ASB5: variants seen among roughly 807,000 people sequenced by gnomAD.
The protein encoded by ASB5 is ankyrin repeat and SOCS box protein 5.
ASB5 carries 45 observed loss-of-function variants against 42.1 expected under a neutral mutation model. The ratio of observed to expected loss-of-function variants is 1.07; its 90% CI spans 0.84 to 1.37. The LOEUF (loss-of-function observed/expected upper bound fraction) is 1.37, where lower values mean the gene tolerates loss of function less well. ASB5 is among the 40% of genes most tolerant of loss of function. The pLI, the probability that ASB5 is intolerant of heterozygous loss-of-function variation, is 0.00. For synonymous variants in ASB5, 147 were observed against 150.6 expected (o/e 0.98, Z 0.18); for missense variants, 402 against 399.8 (o/e 1.01, Z -0.05).
At chr4:176,251,878 C>A (rs72708309) in intron 1 of ASB5, among the ~76,000 whole-genome samples, 16,836 of 151,026 alleles carry the variant, frequency 0.11, 1,202 homozygotes, top group Non-Finnish European at 0.15. Context: ...CCTGGGCAAG[C>A]AACATGGCTA....
Position 176,268,903 on chromosome 4 carries a change from A to G in ASB5, c.196+10T>C, listed in dbSNP as rs1411512703. On this transcript the variant is annotated intron_variant, in intron 1 of 6. Coordinates refer to ENST00000296525, the MANE Select transcript of ASB5 (RefSeq NM_080874.4). ...CCACTTGAAACAAGAGAGGATTATCATAAACATACCTTGTCCTTGGGTTAC... is the reference window on the plus strand; with the variant it reads ...CCACTTGAAACAAGAGAGGATTATCGTAAACATACCTTGTCCTTGGGTTAC... 4 of 1,594,414 alleles carry G rather than the reference A, an allele frequency of 2.5e-6. No individual in the cohort carries two copies. Among genetic ancestry groups the G allele is most frequent in the Non-Finnish European group, 3.4e-6 (4 of 1,170,484 alleles).
At chr4:176,249,839 G>GCGAA (rs1753989884) in intron 1 of ASB5, among the ~76,000 whole-genome samples, 1 of 151,992 alleles carries the variant, frequency 6.6e-6, no homozygotes, top group African/African-American at 2.4e-5. Context: ...GCCGAGGCGG[G>GCGAA]TGGATCACGA....
intron 1 of ASB5, among the ~76,000 whole-genome samples, chr4:176,245,200 G>T (rs1308371009): frequency 1.3e-5 from 2 of 152,108 alleles, no homozygotes; most frequent in Admixed American, 6.5e-5. Context: ...AAATTTATGA[G>T]AAAAAATCAA....
chr4:176,260,770 C>A (rs1754253029), intron 1 of ASB5, among the ~76,000 whole-genome samples: 1 of 152,146 alleles, frequency 6.6e-6, no homozygotes, highest in South Asian at 2.1e-4. Context: ...TTCCGCCTCC[C>A]AGGTTCAAGG....
chr4:176,255,272 G>A (rs906391425), intron 1 of ASB5, among the ~76,000 whole-genome samples: 1 of 152,222 alleles, frequency 6.6e-6, no homozygotes, highest in African/African-American at 2.4e-5. Context: ...TGGTGGGAAT[G>A]TAAATTAATT....
At chr4:176,230,171 A>C (rs13141816) in intron 1 of ASB5, among the ~76,000 whole-genome samples, 29,480 of 152,158 alleles carry the variant, frequency 0.19, 3,107 homozygotes, top group Middle Eastern at 0.3. Flanking sequence ...CTCTAAATGC[A>C]CAATAAATAA....
At position 176,214,541 on chromosome 4, in the gene ASB5, C is replaced by A. The variant is rs1440880614; in HGVS notation, c.*1059G>T. On this transcript the variant is annotated 3_prime_UTR_variant, in exon 7 of 7. Transcript: ENST00000296525. ...TACAATACTCTCTTGCTATTACTTG[C>A]AAATACAGTATACTCTAAGCCCTTG... 4 of 152,078 alleles carry A rather than the reference C, an allele frequency of 2.6e-5. No homozygotes were observed. Among genetic ancestry groups the A allele is most frequent in the Non-Finnish European group, 5.9e-5 (4 of 68,014 alleles). 9.4% of individuals were successfully genotyped at this position (152,078 alleles called of 1,614,324 possible).
chr4:176,260,869 G>T (rs1235638411), intron 1 of ASB5, among the ~76,000 whole-genome samples: 5 of 152,050 alleles, frequency 3.3e-5, no homozygotes, highest in African/African-American at 9.7e-5. Context: ...TAGAGATGGG[G>T]TTTCACCTTG....
At chr4:176,219,251 TATG>T (rs1327949051) in intron 5 of ASB5, among the ~76,000 whole-genome samples, 5 of 115,072 alleles carry the variant, frequency 4.3e-5, no homozygotes, top group African/African-American at 1.7e-4. Context: ...AATATATATG[TATG>T]ATATATAAAT....
At chr4:176,271,894 C>T (rs566916327), upstream of ASB5, among the ~76,000 whole-genome samples, 1 of 152,008 alleles carries the variant, frequency 6.6e-6, no homozygotes, top group Non-Finnish European at 1.5e-5. Context: ...TAAGCACTTA[C>T]AATCTGATTG....
chr4:176,272,524 T>G (rs540947589), upstream of ASB5, among the ~76,000 whole-genome samples: 3 of 152,218 alleles, frequency 2.0e-5, no homozygotes, highest in East Asian at 5.8e-4. Flanking sequence ...GCTGTCACCT[T>G]TTTAGGAACT....
intron 1 of ASB5, among the ~76,000 whole-genome samples, chr4:176,259,345 A>T (rs1170769406): frequency 6.6e-6 from 1 of 152,216 alleles, no homozygotes; most frequent in African/African-American, 2.4e-5. Context: ...CTAAAAATGA[A>T]CTATTACTTT....
At chr4:176,253,618 G>A (rs561564919) in intron 1 of ASB5, among the ~76,000 whole-genome samples, 2 of 152,204 alleles carry the variant, frequency 1.3e-5, no homozygotes, top group Admixed American at 1.3e-4. Context: ...CTGATGATGT[G>A]ATTCTTTACT....
intron 5 of ASB5, among the ~76,000 whole-genome samples, chr4:176,219,321 T>TTGTATGATATATAAATATATA (rs1753104490): frequency 2.2e-5 from 2 of 92,642 alleles, no homozygotes; most frequent in South Asian, 3.5e-4. Context: ...ATATATATAT[T>TTGTATGATATATAAATATATA]TGTATGATAT....
At chr4:176,256,350 C>A (rs963500258) in intron 1 of ASB5, among the ~76,000 whole-genome samples, 6 of 152,134 alleles carry the variant, frequency 3.9e-5, no homozygotes, top group African/African-American at 1.4e-4. Context: ...ATACAAAAAT[C>A]ATTCTTTGTG....
At chr4:176,257,987 A>AGG (rs1754187154) in intron 1 of ASB5, among the ~76,000 whole-genome samples, 1 of 152,184 alleles carries the variant, frequency 6.6e-6, no homozygotes. Context: ...TCCTGGTATT[A>AGG]TATTATGTGC....
At chr4:176,242,396 T>C (rs1490589756) in intron 1 of ASB5, among the ~76,000 whole-genome samples, 1 of 152,242 alleles carries the variant, frequency 6.6e-6, no homozygotes, top group Non-Finnish European at 1.5e-5. Context: ...GGAGTTCTTC[T>C]GAGGAATTTT....
intron 1 of ASB5, among the ~76,000 whole-genome samples, chr4:176,268,156 T>C (rs1054723104): frequency 6.6e-6 from 1 of 152,154 alleles, no homozygotes; most frequent in Non-Finnish European, 1.5e-5. Flanking sequence ...GTCATTTTTA[T>C]TTTTTAGAGT....
intron 1 of ASB5, among the ~76,000 whole-genome samples, chr4:176,258,289 C>G (rs965640804): frequency 6.6e-6 from 1 of 152,160 alleles, no homozygotes; most frequent in Non-Finnish European, 1.5e-5. Context: ...AAGCAACTTT[C>G]CTGAGATCAC....
Sources: allele counts gnomAD v4.1 joint callset (sites outside exome capture counted in the v4.1 genomes callset), GRCh38; gene constraint gnomAD v4.1.1; transcripts MANE v1.5; gene names NCBI Gene and HGNC (gene_info 2026-07-23, HGNC 2026-07-21).